The following BCL2 variants were observed in gnomAD, a reference collection of about 807,000 sequenced individuals.
BCL2 encodes the protein apoptosis regulator Bcl-2.
A neutral mutation model predicts 14.2 loss-of-function variants in BCL2; 1 was observed. The ratio of observed to expected loss-of-function variants is 0.07; its 90% CI spans 0.02 to 0.33. The LOEUF (loss-of-function observed/expected upper bound fraction) is 0.33, where lower values mean the gene tolerates loss of function less well. BCL2 is among the 10% of genes least tolerant of loss of function. The pLI, the probability that BCL2 is intolerant of heterozygous loss-of-function variation, is 0.99. For synonymous variants in BCL2, 151 were observed against 137.2 expected (o/e 1.10, Z -0.70); for missense variants, 247 against 305.9 (o/e 0.81, Z 1.44).
At chr18:63,247,091 G>C (rs187249700) in intron 2 of BCL2, among the ~76,000 whole-genome samples, 2 of 152,126 alleles carry the variant, frequency 1.3e-5, no homozygotes, top group African/African-American at 4.8e-5. Flanking sequence ...TTTTCTGACC[G>C]GGCTAGAAAG....
At chr18:63,154,203 G>A (rs1914719125) in intron 2 of BCL2, among the ~76,000 whole-genome samples, 1 of 152,028 alleles carries the variant, frequency 6.6e-6, no homozygotes, top group South Asian at 2.1e-4. Context: ...CTTTTCCTAT[G>A]GACACACCAT....
At chr18:63,279,061 A>G (rs759145540) in intron 2 of BCL2, among the ~76,000 whole-genome samples, 56 of 152,250 alleles carry the variant, frequency 3.7e-4, no homozygotes, top group Non-Finnish European at 7.3e-4. Flanking sequence ...CATTATGTAG[A>G]TATAAATATA....
rs1404955977 is a variant in BCL2, at chr18:63,204,896, A to T, written c.586-76137T>A. Among the ~76,000 whole-genome samples the T allele has an allele frequency of 1.6e-4, 24 of 152,158 alleles. 1 individual carries two copies. The highest frequency in any genetic ancestry group is 1.5e-3 in the Admixed American group (23 of 15,270). On this transcript the variant is annotated intron_variant, in intron 2 of 2. Coordinates refer to ENST00000333681, the MANE Select transcript of BCL2 (RefSeq NM_000633.3). ...CTGCCTTTTGTGTAAGAAAGGGAAAATTTTAAAATGTGTATATGTTATTTT... is the reference window on the plus strand; with the variant it reads ...CTGCCTTTTGTGTAAGAAAGGGAAATTTTTAAAATGTGTATATGTTATTTT...
rs2144327214 is a variant in BCL2 at position 63,318,848 on chromosome 18, A to G, written c.-182T>C. ...TTGATTCTGGTGTTTCCCCCTTGGC[A>G]TGAGATGCAGGAAATTTTTATTCCA... On this transcript the variant is annotated 5_prime_UTR_variant, in exon 2 of 3. The change abolishes an upstream ATG in the 5' untranslated region. Transcript: ENST00000333681. The surrounding 1 kb of genome is among the most constrained non-coding windows in gnomAD (Gnocchi z 7.4). The G allele has an allele frequency of 7.1e-7, 1 of 1,400,604 alleles. No individual in the cohort carries two copies. Among genetic ancestry groups the G allele is most frequent in the African/African-American group, 1.5e-5 (1 of 66,430 alleles). 86.8% of individuals were successfully genotyped at this position (1,400,604 alleles called of 1,614,324 possible).
At chr18:63,140,207 A>T (rs1298021260) in intron 2 of BCL2, among the ~76,000 whole-genome samples, 1 of 152,246 alleles carries the variant, frequency 6.6e-6, no homozygotes, top group African/African-American at 2.4e-5. Context: ...TGGGAATGTA[A>T]ACTGGTGCAG....
At chr18:63,217,982 G>C (rs1441733298) in intron 2 of BCL2, among the ~76,000 whole-genome samples, 2 of 152,036 alleles carry the variant, frequency 1.3e-5, no homozygotes, top group South Asian at 4.2e-4. Flanking sequence ...ATAGAAGAAT[G>C]GAAAAAAGGA....
chr18:63,287,245 A>G (rs1415167467), intron 2 of BCL2, among the ~76,000 whole-genome samples: 1 of 152,184 alleles, frequency 6.6e-6, no homozygotes, highest in Non-Finnish European at 1.5e-5. Context: ...AAGTATTAGA[A>G]TTCTGTATGC....
chr18:63,296,261 CAGCTGTAATGGTCCA>C (rs915738378), intron 2 of BCL2, among the ~76,000 whole-genome samples: 1 of 152,064 alleles, frequency 6.6e-6, no homozygotes, highest in Non-Finnish European at 1.5e-5. Context: ...CTTCCCAACC[CAGCTGTAATGGTCCA>C]GCCTGGCAAG....
At position 63,187,816 on chromosome 18, in the gene BCL2, C is replaced by T. The variant is rs920944511; in HGVS notation, c.586-59057G>A. 3.9e-5 allele frequency among the ~76,000 whole-genome samples: 6 copies of T among 152,148 alleles called. No individual in the cohort carries two copies. In the South Asian group the frequency reaches 1.0e-3, roughly 26 times the overall value. On this transcript the variant is annotated intron_variant, in intron 2 of 2. Coordinates refer to ENST00000333681, the MANE Select transcript of BCL2 (RefSeq NM_000633.3). ...GAATTAGTTCGACTAATACAGATTA[C>T]GTTACTTGAATGTTTTCAAATGCAG...
In BCL2 at chr18:63,319,664, G is replaced by C; in HGVS notation, c.-777C>G. 4.5e-6 allele frequency: 1 copy of C among 220,850 alleles called. No individual in the cohort carries two copies. The highest frequency in any genetic ancestry group is 9.1e-6 in the Non-Finnish European group (1 of 110,130). 13.7% of individuals were successfully genotyped at this position (220,850 alleles called of 1,614,324 possible). A position where few individuals can be genotyped will look rare whatever the true frequency, so the allele number is the denominator to read the frequency against. ...TCCTCTTCTGATTAAACTCCGAACA[G>C]CAAATGCATTTTCCGAAAAGCTGCT... is the stretch of plus-strand genomic sequence containing the variant. On this transcript the variant is annotated 5_prime_UTR_variant, in exon 1 of 3. Transcript: ENST00000333681.
intron 2 of BCL2, among the ~76,000 whole-genome samples, chr18:63,252,896 GA>G (rs1220800472): frequency 6.6e-6 from 1 of 152,176 alleles, no homozygotes; most frequent in Non-Finnish European, 1.5e-5. Context: ...TCTGGAACTA[GA>G]ATAGAGTAGG....
chr18:63,206,938 C>T (rs1222642282), intron 2 of BCL2, among the ~76,000 whole-genome samples: 3 of 152,060 alleles, frequency 2.0e-5, no homozygotes, highest in Admixed American at 6.5e-5. Flanking sequence ...GACTTAAAGA[C>T]GGTTTCCAGA....
Position 63,232,065 on chromosome 18 carries a change from A to G in BCL2, c.585+86017T>C, listed in dbSNP as rs895597183. ...AGAGATAGCATTACAAACTATGGGG[A>G]AAACAAAAACTAAACTAATAGGTGG... On this transcript the variant is annotated intron_variant, in intron 2 of 2. Transcript: ENST00000333681. Among the ~76,000 whole-genome samples the G allele has an allele frequency of 9.3e-5, 14 of 150,816 alleles. No homozygotes were observed. In the East Asian group the frequency reaches 1.5e-3, roughly 17 times the overall value.
chr18:63,266,332 G>C (rs1451442000), intron 2 of BCL2, among the ~76,000 whole-genome samples: 2 of 151,086 alleles, frequency 1.3e-5, no homozygotes, highest in Non-Finnish European at 2.9e-5. Flanking sequence ...AGCAGAATAG[G>C]CTATCATAAA....
chr18:63,280,301 C>A (rs1429530630), intron 2 of BCL2, among the ~76,000 whole-genome samples: 1 of 152,120 alleles, frequency 6.6e-6, no homozygotes, highest in Non-Finnish European at 1.5e-5. Flanking sequence ...GTTTCCGTAT[C>A]TATTAAATGA....
intron 2 of BCL2, among the ~76,000 whole-genome samples, chr18:63,167,558 T>C (rs1915074553): frequency 6.6e-6 from 1 of 152,066 alleles, no homozygotes; most frequent in African/African-American, 2.4e-5. Flanking sequence ...GGCAGGAGGA[T>C]CACTTGAGCC....
intron 2 of BCL2, among the ~76,000 whole-genome samples, chr18:63,209,432 T>C (rs1909936473): frequency 1.3e-5 from 2 of 152,108 alleles, no homozygotes; most frequent in African/African-American, 4.8e-5. Context: ...AGTGAGATGA[T>C]GGAACTGAAG....
At chr18:63,314,486 A>AT (rs2144313213) in intron 2 of BCL2, 1 of 152,340 alleles carries the variant, frequency 6.6e-6, no homozygotes, top group South Asian at 2.1e-4. Flanking sequence ...AAACCAAAAA[A>AT]TAAGTCGGAT....
chr18:63,316,457 C>T (rs1357406923), intron 2 of BCL2: 2 of 152,158 alleles, frequency 1.3e-5, no homozygotes, highest in East Asian at 3.8e-4. Context: ...AAAAATCAAA[C>T]CACCTACTTA....
Sources: gnomAD v4.1 joint callset for allele counts (sites outside exome capture counted in the v4.1 genomes callset) on GRCh38, gnomAD v4.1.1 for gene constraint, Gnocchi (gnomAD v3.1) non-coding constraint, MANE v1.5 for transcripts, NCBI Gene and HGNC (gene_info 2026-07-23, HGNC 2026-07-21) for gene names.